Variants in GRM7 observed in about 807,000 individuals in gnomAD.
GRM7 encodes glutamate metabotropic receptor 7, also known as metabotropic glutamate receptor 7.
A neutral mutation model predicts 84.5 loss-of-function variants in GRM7; 35 were observed. The observed-to-expected ratio is 0.41, with a 90% CI of 0.32 to 0.55. The LOEUF (loss-of-function observed/expected upper bound fraction) is 0.55, where lower values mean the gene tolerates loss of function less well. Ranked by LOEUF, GRM7 falls within the 20% of genes least tolerant of loss-of-function variation. The probability of loss-of-function intolerance (pLI) is 0.19; values close to 1 mark genes in which losing one functional copy is unlikely to be tolerated. For synonymous variants in GRM7, 487 were observed against 455.1 expected (o/e 1.07, Z -0.89); for missense variants, 1,003 against 1,194.6 (o/e 0.84, Z 2.36).
chr3:6,886,878 A>G (rs749552599), intron 1 of GRM7, among the ~76,000 whole-genome samples: 8 of 152,004 alleles, frequency 5.3e-5, no homozygotes, highest in Non-Finnish European at 8.8e-5. Context: ...ACTATTTTAT[A>G]TAGATATTAT....
chr3:6,929,162 G>T lies in GRM7; in HGVS notation c.519+67255G>T, dbSNP rs560717936. The stretch of plus-strand genomic sequence containing the variant: ...AGTCAAAGCATTCTGAGTAGTTGAC[G>T]GAGGTGTGAGAAAGGAGTATTTCAG... On this transcript the variant is annotated intron_variant, in intron 1 of 9. Coordinates refer to ENST00000357716, the MANE Select transcript of GRM7 (RefSeq NM_000844.4). 6.6e-5 allele frequency among the ~76,000 whole-genome samples: 10 copies of T among 152,284 alleles called. No homozygotes were observed. The South Asian group carries it at 2.1e-3, about 32-fold the overall frequency.
At chr3:7,656,543 GCGCGCACACACACACACA>G (rs1370432763) in intron 8 of GRM7, among the ~76,000 whole-genome samples, 2,658 of 119,968 alleles carry the variant, frequency 0.022, 94 homozygotes, top group African/African-American at 0.072. Flanking sequence ...ATATATACGC[GCGCGCACACACACACACA>G]CACACACACA....
intron 4 of GRM7, among the ~76,000 whole-genome samples, chr3:7,327,230 A>G (rs1162392779): frequency 6.6e-6 from 1 of 152,178 alleles, no homozygotes; most frequent in Non-Finnish European, 1.5e-5. Context: ...ATATTCTTAT[A>G]TTGAGTATTT....
rs535461620 is a variant in GRM7 at position 7,205,570 on chromosome 3, A to G, written c.736+58902A>G. On this transcript the variant is annotated intron_variant, in intron 2 of 9. Coordinates refer to ENST00000357716, the MANE Select transcript of GRM7 (RefSeq NM_000844.4). ...TTCCTTTTGATATTGCTTTCCAATAATAAGAATCACTGATTTCAATGTTTC... is the reference window on the plus strand; with the variant it reads ...TTCCTTTTGATATTGCTTTCCAATAGTAAGAATCACTGATTTCAATGTTTC... Among the ~76,000 whole-genome samples the G allele has an allele frequency of 9.2e-5, 14 of 152,352 alleles. No individual in the cohort carries two copies. The South Asian group carries it at 2.9e-3, about 32-fold the overall frequency.
intron 9 of GRM7, among the ~76,000 whole-genome samples, chr3:7,695,263 A>G (rs1222679538): frequency 6.6e-6 from 1 of 152,152 alleles, no homozygotes; most frequent in African/African-American, 2.4e-5. Context: ...AAAACATAGC[A>G]TCACCTTTGT....
intron 7 of GRM7, among the ~76,000 whole-genome samples, chr3:7,463,304 G>A (rs1397808137): frequency 1.3e-5 from 2 of 152,196 alleles, no homozygotes; most frequent in Non-Finnish European, 2.9e-5. Context: ...TTCAGATGGG[G>A]TCTTACATGG....
intron 1 of GRM7, among the ~76,000 whole-genome samples, chr3:6,870,513 A>T (rs1205231996): frequency 6.6e-6 from 1 of 152,184 alleles, no homozygotes; most frequent in Admixed American, 6.5e-5. Context: ...CATCGCAGGC[A>T]TTTTGTCATT....
intron 1 of GRM7, among the ~76,000 whole-genome samples, chr3:7,030,828 A>G (rs1696158913): frequency 1.3e-5 from 2 of 152,214 alleles, no homozygotes; most frequent in South Asian, 4.1e-4. Flanking sequence ...AATAATTAAT[A>G]TGTCTGCCAT....
chr3:7,712,358 G>C (rs556745438), intron 9 of GRM7, among the ~76,000 whole-genome samples: 2 of 152,220 alleles, frequency 1.3e-5, no homozygotes, highest in East Asian at 3.9e-4. Flanking sequence ...CTCTGACCTG[G>C]TGGCATCCTC....
chr3:7,354,397 A>AT (rs1693294322), intron 4 of GRM7, among the ~76,000 whole-genome samples: 1 of 152,040 alleles, frequency 6.6e-6, no homozygotes, highest in Non-Finnish European at 1.5e-5. Flanking sequence ...CCCTATGGTT[A>AT]TTTTCCCAGG....
Position 7,452,643 on chromosome 3 carries a change from A to T in GRM7, c.1211A>T (p.Gln404Leu). Residue 404 changes from glutamine to leucine, a missense_variant, in exon 6 of 10, where the codon CAG (glutamine) becomes CTG (leucine). Physicochemically the swap from Gln to Leu is moderately radical, Grantham distance 113 (BLOSUM62 -2). Around this residue, in one of 2 missense-constraint regions of GRM7, gnomAD observed 910 missense variants for 1,126.0 expected, o/e 0.81. Transcript: ENST00000357716. ...ERIGKDSNYE[Q>L]EGKVQFVIDA... ...ATTGGAAAAGATTCCAACTATGAGC[A>T]GGAGGGTAAAGTCCAGTTCGTGATT... is the stretch of plus-strand genomic sequence containing the variant. 1 of 1,612,988 alleles carries T rather than the reference A, an allele frequency of 6.2e-7. No homozygotes were observed. Among genetic ancestry groups the T allele is most frequent in the Non-Finnish European group, 8.5e-7 (1 of 1,179,100 alleles).
chr3:7,165,792 C>T (rs750798826), intron 2 of GRM7, among the ~76,000 whole-genome samples: 11 of 152,128 alleles, frequency 7.2e-5, no homozygotes, highest in Admixed American at 1.3e-4. Flanking sequence ...TTTATAATTT[C>T]AGTTGTACTA....
chr3:7,326,122 G>A (rs1299794476), intron 4 of GRM7, among the ~76,000 whole-genome samples: 1 of 133,050 alleles, frequency 7.5e-6, no homozygotes, highest in Middle Eastern at 5.6e-3. Context: ...AGATTTAAGT[G>A]ACAACCACAG....
intron 2 of GRM7, among the ~76,000 whole-genome samples, chr3:7,237,897 GCTGATTGGTGCGTTTTTACAGAGTA>G (rs1697405550): frequency 6.6e-6 from 1 of 152,024 alleles, no homozygotes; most frequent in Admixed American, 6.5e-5. Flanking sequence ...GACACAGAGT[GCTGATTGGTGCGTTTTTACAGAGTA>G]CTGATTGGTG....
chr3:7,665,288 C>T (rs1303460416), intron 8 of GRM7, among the ~76,000 whole-genome samples: 1 of 151,404 alleles, frequency 6.6e-6, no homozygotes, highest in Non-Finnish European at 1.5e-5. Context: ...TCTCCTGCCT[C>T]AGCCTCCCGA....
chr3:7,256,095 C>G (rs554502337), intron 2 of GRM7, among the ~76,000 whole-genome samples: 3 of 152,118 alleles, frequency 2.0e-5, no homozygotes, highest in Non-Finnish European at 4.4e-5. Context: ...CCACACTTTC[C>G]CCCTTCCAGA....
At chr3:7,691,209 G>A in intron 9 of GRM7, 1 of 1,197,992 alleles carries the variant, frequency 8.3e-7, no homozygotes. Flanking sequence ...CTTTTTCATA[G>A]TAACCTCTGA....
chr3:6,894,580 T>C (rs1696104862), intron 1 of GRM7, among the ~76,000 whole-genome samples: 1 of 152,138 alleles, frequency 6.6e-6, no homozygotes, highest in Non-Finnish European at 1.5e-5. Context: ...TATGTGTGTA[T>C]ATATGTATAT....
At chr3:7,252,219 G>A (rs180713160) in intron 2 of GRM7, among the ~76,000 whole-genome samples, 3 of 152,258 alleles carry the variant, frequency 2.0e-5, no homozygotes, top group Non-Finnish European at 1.5e-5. Context: ...TTAATTCTAA[G>A]CTCATTGTGC....
Sources: gnomAD v4.1 joint callset for allele counts (sites outside exome capture counted in the v4.1 genomes callset) on GRCh38, gnomAD v4.1.1 for gene constraint, gnomAD v4.1.1 regional missense constraint, MANE v1.5 for transcripts, NCBI Gene and HGNC (gene_info 2026-07-23, HGNC 2026-07-21) for gene names.